Variants in RIMS4 observed in about 807,000 individuals in gnomAD.
RIMS4 encodes the protein regulating synaptic membrane exocytosis protein 4.
RIMS4 carries 9 observed loss-of-function variants against 29.0 expected under a neutral mutation model. The observed-to-expected ratio is 0.31, with a 90% CI of 0.19 to 0.54. RIMS4 has a LOEUF of 0.54. Among genes scored for constraint, RIMS4 ranks in the 20% least tolerant of loss-of-function variants. The pLI, the probability that RIMS4 is intolerant of heterozygous loss-of-function variation, is 0.94. For synonymous variants in RIMS4, 130 were observed against 152.9 expected (o/e 0.85, Z 1.10); for missense variants, 193 against 365.7 (o/e 0.53, Z 3.85).
intron 1 of RIMS4, among the ~76,000 whole-genome samples, chr20:44,789,932 T>A (rs1401992151): frequency 6.6e-6 from 1 of 152,180 alleles, no homozygotes; most frequent in Non-Finnish European, 1.5e-5. Flanking sequence ...GTCAACAGAA[T>A]GGGGAGATTG....
rs571393803 is a variant in RIMS4 at position 44,755,258 on chromosome 20, C to T, written c.*876G>A. The stretch of plus-strand genomic sequence containing the variant: ...TTGAGAAACCCTTATCTTGGCACCA[C>T]CAGTCCCAATCCCAACTTTCCTTAG... On this transcript the variant is annotated 3_prime_UTR_variant, in exon 6 of 6. Coordinates refer to ENST00000372851, the MANE Select transcript of RIMS4 (RefSeq NM_182970.4). The T allele has an allele frequency of 1.3e-5, 2 of 152,522 alleles. No homozygotes were observed. The highest frequency in any genetic ancestry group is 2.9e-5 in the Non-Finnish European group (2 of 68,050). 9.4% of individuals were successfully genotyped at this position (152,522 alleles called of 1,614,324 possible).
rs928045717 is a variant in RIMS4 at position 44,753,297 on chromosome 20, T to C, written c.*2837A>G. ...TGCCCTGGCTCCGGCTCAGCCTCTATTGGGAGGAGGGGACCCAGGCTGGGG... is the reference window on the plus strand; with the variant it reads ...TGCCCTGGCTCCGGCTCAGCCTCTACTGGGAGGAGGGGACCCAGGCTGGGG... On this transcript the variant is annotated 3_prime_UTR_variant, in exon 6 of 6. Transcript: ENST00000372851. 3 of 152,518 alleles carry C rather than the reference T, an allele frequency of 2.0e-5. No individual in the cohort carries two copies. The highest frequency in any genetic ancestry group is 7.2e-5 in the African/African-American group (3 of 41,432). 9.4% of individuals were successfully genotyped at this position (152,518 alleles called of 1,614,324 possible). A position where few individuals can be genotyped will look rare whatever the true frequency, so the allele number is the denominator to read the frequency against.
chr20:44,804,654 AC>A (rs1261145066), intron 1 of RIMS4, among the ~76,000 whole-genome samples: 2 of 151,790 alleles, frequency 1.3e-5, no homozygotes. Flanking sequence ...CTCTCCCTTC[AC>A]CCCCACTCAG....
chr20:44,764,201 TCC>T (rs1568895733), intron 2 of RIMS4, among the ~76,000 whole-genome samples: 26 of 5,702 alleles, frequency 4.6e-3, no homozygotes, highest in Admixed American at 8.1e-3. Flanking sequence ...TATCCATCCA[TCC>T]ATCCATCCAC....
At chr20:44,762,629 T>C (rs2066090925) in intron 2 of RIMS4, among the ~76,000 whole-genome samples, 1 of 152,212 alleles carries the variant, frequency 6.6e-6, no homozygotes, top group African/African-American at 2.4e-5. Context: ...TTGTTTATAA[T>C]ATCTGGGCGG....
At chr20:44,797,200 G>C (rs76382502) in intron 1 of RIMS4, among the ~76,000 whole-genome samples, 1 of 152,154 alleles carries the variant, frequency 6.6e-6, no homozygotes, top group Non-Finnish European at 1.5e-5. Context: ...TATGGGCCTC[G>C]GACTAAATCC....
chr20:44,796,184 C>A (rs1219776335), intron 1 of RIMS4, among the ~76,000 whole-genome samples: 1 of 151,412 alleles, frequency 6.6e-6, no homozygotes, highest in Non-Finnish European at 1.5e-5. Context: ...CCCAACATGT[C>A]AGTTCTCCCT....
intron 2 of RIMS4, among the ~76,000 whole-genome samples, chr20:44,766,208 G>A (rs1216482817): frequency 6.6e-6 from 1 of 152,174 alleles, no homozygotes; most frequent in Non-Finnish European, 1.5e-5. Context: ...CTCCTGCCAA[G>A]CCTGGACTTG....
rs2066155986 is a variant in RIMS4 at position 44,775,469 on chromosome 20, C to T, written c.98-4056G>A. Among the ~76,000 whole-genome samples, 4 of 152,186 alleles carry T rather than the reference C, an allele frequency of 2.6e-5. No homozygotes were observed. The South Asian group carries it at 8.3e-4, about 32-fold the overall frequency. ...GTGTCTGGAAATGTATGACCCTTAACCTGCCCTTGCCCTGCCCCTTCATCA... is the reference window on the plus strand; with the variant it reads ...GTGTCTGGAAATGTATGACCCTTAATCTGCCCTTGCCCTGCCCCTTCATCA... On this transcript the variant is annotated intron_variant, in intron 1 of 5. Transcript: ENST00000372851.
chr20:44,776,330 G>C (rs1007909587), intron 1 of RIMS4, among the ~76,000 whole-genome samples: 2 of 152,134 alleles, frequency 1.3e-5, no homozygotes, highest in Admixed American at 1.3e-4. Context: ...ATTAGGTTCA[G>C]TTTTTGCACC....
At chr20:44,806,716 C>T (rs2066300222) in intron 1 of RIMS4, among the ~76,000 whole-genome samples, 1 of 152,160 alleles carries the variant, frequency 6.6e-6, no homozygotes, top group Admixed American at 6.5e-5. Context: ...TTCTGCACAG[C>T]ACAAACAGCA....
At chr20:44,767,779 A>T (rs144975323) in intron 2 of RIMS4, among the ~76,000 whole-genome samples, 1 of 152,222 alleles carries the variant, frequency 6.6e-6, no homozygotes, top group Admixed American at 6.5e-5. Flanking sequence ...ATGAGTCAAT[A>T]TAAGTAAAAG....
At chr20:44,774,568 G>A (rs542151377) in intron 1 of RIMS4, among the ~76,000 whole-genome samples, 1 of 152,198 alleles carries the variant, frequency 6.6e-6, no homozygotes, top group Non-Finnish European at 1.5e-5. Context: ...ACTCAGACTG[G>A]CTTCCTTGCT....
intron 1 of RIMS4, among the ~76,000 whole-genome samples, chr20:44,771,775 G>C (rs1209409972): frequency 6.6e-6 from 1 of 152,048 alleles, no homozygotes; most frequent in African/African-American, 2.4e-5. Flanking sequence ...TTTTGACCAG[G>C]GTTTCTTGAC....
intron 2 of RIMS4, among the ~76,000 whole-genome samples, chr20:44,762,615 G>T (rs948158506): frequency 2.0e-5 from 3 of 152,198 alleles, no homozygotes; most frequent in Admixed American, 6.5e-5. Flanking sequence ...GTAATTAGCG[G>T]TAATTGTTTA....
At chr20:44,798,232 C>A (rs2066263004) in intron 1 of RIMS4, among the ~76,000 whole-genome samples, 1 of 152,330 alleles carries the variant, frequency 6.6e-6, no homozygotes, top group East Asian at 1.9e-4. Context: ...CACAAAGAAG[C>A]ATGAGATACA....
In RIMS4 at chr20:44,757,164, C is replaced by T. The variant is rs192459836; in HGVS notation, c.452-127G>A. ...GTGCCCCCATGGGGTCTGGGGAGGA[C>T]GCACCAGGACACATGGGGGGTGGGC... On this transcript the variant is annotated intron_variant, in intron 4 of 5. Transcript: ENST00000372851. 8.6e-4 allele frequency: 885 copies of T among 1,031,398 alleles called. 5 individuals are homozygous for T. In the African/African-American group the frequency reaches 0.011, roughly 13 times the overall value. 63.9% of individuals were successfully genotyped at this position (1,031,398 alleles called of 1,614,324 possible). A position where few individuals can be genotyped will look rare whatever the true frequency, so the allele number is the denominator to read the frequency against.
intron 1 of RIMS4, among the ~76,000 whole-genome samples, chr20:44,792,160 C>G (rs911334243): frequency 2.0e-5 from 3 of 152,154 alleles, no homozygotes; most frequent in African/African-American, 7.2e-5. Flanking sequence ...CAGTGCCCAG[C>G]ACACTGGAGT....
chr20:44,806,652 A>G (rs1178072787), intron 1 of RIMS4, among the ~76,000 whole-genome samples: 1 of 152,234 alleles, frequency 6.6e-6, no homozygotes, highest in Non-Finnish European at 1.5e-5. Flanking sequence ...AATAAGATAG[A>G]TAACAGCTAA....
Sources: allele counts gnomAD v4.1 joint callset (sites outside exome capture counted in the v4.1 genomes callset), GRCh38; gene constraint gnomAD v4.1.1; transcripts MANE v1.5; gene names NCBI Gene and HGNC (gene_info 2026-07-23, HGNC 2026-07-21).